The following COG4 variants were observed in gnomAD, a reference collection of about 807,000 sequenced individuals.
COG4 encodes the protein component of oligomeric golgi complex 4.
Under a neutral mutation model 95.1 loss-of-function variants are expected in COG4, and 65 were observed. The ratio of observed to expected loss-of-function variants is 0.68; its 90% CI spans 0.56 to 0.84. The LOEUF (loss-of-function observed/expected upper bound fraction) is 0.84, where lower values mean the gene tolerates loss of function less well. Ranked by LOEUF, COG4 falls within the 40% of genes least tolerant of loss-of-function variation. The pLI is 0.00. For missense variants in COG4, 1,045 were observed against 989.1 expected (o/e 1.06, Z -0.76); for synonymous variants, 421 against 374.8 (o/e 1.12, Z -1.42).
intron 5 of COG4, among the ~76,000 whole-genome samples, chr16:70,511,663 T>C (rs2049709682): frequency 6.6e-6 from 1 of 151,380 alleles, no homozygotes; most frequent in South Asian, 2.1e-4. Context: ...CTGGGCGTGG[T>C]GGCTCACACC....
At chr16:70,482,885 T>C in intron 14 of COG4, 64 bp from the exon 15 acceptor site, 2 of 1,250,246 alleles carry the variant, frequency 1.6e-6, no homozygotes, top group Non-Finnish European at 2.3e-6. Context: ...CCCTCTCTCT[T>C]CTCCCCATCC....
chr16:70,515,698 A>G (rs930217764), intron 3 of COG4, among the ~76,000 whole-genome samples: 2 of 151,948 alleles, frequency 1.3e-5, no homozygotes, highest in Non-Finnish European at 2.9e-5. Flanking sequence ...CAATCAATCA[A>G]TCAATCAATA....
At chr16:70,516,057 T>C (rs373601231) in intron 3 of COG4, 8 of 456,042 alleles carry the variant, frequency 1.8e-5, no homozygotes, top group East Asian at 1.4e-4. Flanking sequence ...CGAAAGGATA[T>C]TGAATTTTGT....
chr16:70,523,264 C>G (rs954973915), intron 1 of COG4, 109 bp downstream of exon 1: 29 of 1,385,224 alleles, frequency 2.1e-5, no homozygotes, highest in Admixed American at 1.2e-4. Flanking sequence ...TGTTTTCCCG[C>G]TTTTTTGTAT....
intron 6 of COG4, 93 bp downstream of exon 6, chr16:70,509,823 T>G: frequency 3.3e-6 from 3 of 913,074 alleles, no homozygotes; most frequent in Non-Finnish European, 5.3e-6. Flanking sequence ...ATGATTAAAT[T>G]AAAGTCATCA....
At chr16:70,503,835 C>G (rs1330478415) in intron 8 of COG4, among the ~76,000 whole-genome samples, 4 of 122,878 alleles carry the variant, frequency 3.3e-5, no homozygotes, top group Non-Finnish European at 4.4e-5. Context: ...ACCTCGTGAT[C>G]CGCCCGCCTC....
At position 70,482,810 on chromosome 16, in the gene COG4, C is replaced by T. The variant is rs565871794; in HGVS notation, c.1839G>A (p.Thr613=). The T allele has an allele frequency of 2.4e-5, 38 of 1,613,490 alleles. No homozygotes were observed. In the Admixed American group the frequency reaches 2.5e-4, roughly 11 times the overall value. ...KFRDLLQEGL[T]ELNSTAIKPQ... ...GCTTGATGGCTGTGCTGTTGAGCTC[C>T]GTCAGCCCTTCCTGCACAAGGACAA... The change falls in exon 15 of 19, where the codon ACG becomes ACA. Residue 613 remains threonine (T), a synonymous_variant. Transcript: ENST00000323786.
intron 4 of COG4, among the ~76,000 whole-genome samples, chr16:70,513,997 CAGG>C (rs991366993): frequency 6.6e-6 from 1 of 152,124 alleles, no homozygotes; most frequent in Non-Finnish European, 1.5e-5. Flanking sequence ...CACCAGAGAT[CAGG>C]AGTTCAAGAC....
At chr16:70,520,374 TGGGGGG>T (rs61397425) in intron 1 of COG4, among the ~76,000 whole-genome samples, 1 of 2,246 alleles carries the variant, frequency 4.5e-4, no homozygotes, top group Non-Finnish European at 1.0e-3. Flanking sequence ...ACCCGGGGGG[TGGGGGG>T]GGGGGGGGGC....
chr16:70,512,447 G>C lies in COG4; in HGVS notation c.545-15C>G. On this transcript the variant is annotated splice_polypyrimidine_tract_variant and intron_variant, in intron 4 of 18. Coordinates refer to ENST00000323786, the MANE Select transcript of COG4 (RefSeq NM_015386.3). ...AATCATGCTCCCTGCTCAACAGGGA[G>C]AAAATGAAAATTCAAGTAAAGAATA... 1 of 1,608,938 alleles carries C rather than the reference G, an allele frequency of 6.2e-7. No homozygotes were observed. The highest frequency in any genetic ancestry group is 1.1e-5 in the South Asian group (1 of 90,476).
intron 9 of COG4, among the ~76,000 whole-genome samples, chr16:70,500,111 C>T (rs1000762214): frequency 1.3e-5 from 2 of 151,662 alleles, no homozygotes; most frequent in Admixed American, 1.3e-4. Flanking sequence ...TGGGATTATG[C>T]GTGAGCCACC....
At chr16:70,485,709 C>T (rs544117405) in intron 13 of COG4, among the ~76,000 whole-genome samples, 202 of 151,224 alleles carry the variant, frequency 1.3e-3, no homozygotes, top group Non-Finnish European at 1.9e-3. Flanking sequence ...CCTCAGCCTC[C>T]GGAGTAGCTG....
Position 70,512,413 on chromosome 16 carries a change from G to A in COG4, c.564C>T (p.Asn188=). Residue 188 remains asparagine, a synonymous_variant, in exon 5 of 19, where the codon AAC becomes AAT. Coordinates refer to ENST00000323786, the MANE Select transcript of COG4 (RefSeq NM_015386.3). ...QGKEGSMIDA[N]LKLLQEAEQR... Reference sequence around the variant, plus strand: ...GCTCAGCTTCCTGCAGCAATTTCAGGTTGGCATCAATCATGCTCCCTGCTC... The same window carrying A: ...GCTCAGCTTCCTGCAGCAATTTCAGATTGGCATCAATCATGCTCCCTGCTC... 2 of 1,614,020 alleles carry A rather than the reference G, an allele frequency of 1.2e-6. No individual in the cohort carries two copies. Among genetic ancestry groups the A allele is most frequent in the Non-Finnish European group, 1.7e-6 (2 of 1,179,968 alleles).
chr16:70,518,635 C>A (rs1003362310), intron 2 of COG4, among the ~76,000 whole-genome samples: 1 of 152,120 alleles, frequency 6.6e-6, no homozygotes, highest in African/African-American at 2.4e-5. Context: ...CCACTACACG[C>A]AGCCAGGGAA....
At chr16:70,500,854 A>G (rs570583945) in intron 9 of COG4, 104 bp downstream of exon 9, 13 of 1,419,138 alleles carry the variant, frequency 9.2e-6, no homozygotes, top group African/African-American at 7.1e-5. Flanking sequence ...CCAGGGGCTA[A>G]TAAGTTCCAA....
At chr16:70,487,250 T>A (rs2049155923) in intron 13 of COG4, among the ~76,000 whole-genome samples, 1 of 148,238 alleles carries the variant, frequency 6.7e-6, no homozygotes, top group Non-Finnish European at 1.5e-5. Flanking sequence ...CACTACAGCC[T>A]GGGCAACAGA....
chr16:70,495,361 C>A (rs957611297), intron 12 of COG4, among the ~76,000 whole-genome samples: 2 of 147,064 alleles, frequency 1.4e-5, no homozygotes, highest in East Asian at 3.9e-4. Flanking sequence ...CATGCCATTG[C>A]ACTCCAGCCT....
intron 13 of COG4, among the ~76,000 whole-genome samples, chr16:70,487,733 C>T (rs2049167705): frequency 6.6e-6 from 1 of 152,190 alleles, no homozygotes; most frequent in South Asian, 2.1e-4. Context: ...AAGAACTGGG[C>T]CCCCCTCATT....
intron 13 of COG4, among the ~76,000 whole-genome samples, chr16:70,487,282 T>TA (rs1311298221): frequency 0.021 from 2,036 of 98,742 alleles, 61 homozygotes; most frequent in African/African-American, 0.082. Flanking sequence ...TCTCAAAAAA[T>TA]AAAAAAATAA....
Sources: allele counts gnomAD v4.1 joint callset (sites outside exome capture counted in the v4.1 genomes callset), GRCh38; gene constraint gnomAD v4.1.1; transcripts MANE v1.5; gene names NCBI Gene and HGNC (gene_info 2026-07-23, HGNC 2026-07-21).